IMMP2L: variants seen among roughly 807,000 people sequenced by gnomAD.
IMMP2L encodes the protein inner mitochondrial membrane peptidase subunit 2, also known as mitochondrial inner membrane protease subunit 2.
Under a neutral mutation model 19.3 loss-of-function variants are expected in IMMP2L, and 18 were observed. The observed-to-expected ratio is 0.93, with a 90% CI of 0.64 to 1.38. The LOEUF (loss-of-function observed/expected upper bound fraction) is 1.38. Among genes scored for constraint, IMMP2L ranks in the 40% most tolerant of loss-of-function variants. IMMP2L has a pLI of 0.00. For missense variants in IMMP2L, 233 were observed against 218.2 expected, an observed-to-expected ratio of 1.07 and a Z score of -0.43; for synonymous variants, 76 against 73.0, an observed-to-expected ratio of 1.04 and a Z score of -0.21.
intron 3 of IMMP2L, among the ~76,000 whole-genome samples, chr7:111,143,709 T>C (rs1036790805): frequency 2.0e-5 from 3 of 152,134 alleles, no homozygotes; most frequent in Non-Finnish European, 2.9e-5. Flanking sequence ...GCACAGAAAG[T>C]AAATATAAAC....
intron 5 of IMMP2L, among the ~76,000 whole-genome samples, chr7:110,666,124 CTCTATGT>C (rs1180887627): frequency 6.6e-6 from 1 of 152,082 alleles, no homozygotes; most frequent in Non-Finnish European, 1.5e-5. Flanking sequence ...CCAGTGGGAG[CTCTATGT>C]GTCCTTTGGA....
intron 3 of IMMP2L, among the ~76,000 whole-genome samples, chr7:111,179,826 G>GT (rs1466429693): frequency 6.6e-6 from 1 of 152,018 alleles, no homozygotes; most frequent in Non-Finnish European, 1.5e-5. Context: ...ATAAATTGCT[G>GT]TAACTTCTAT....
chr7:111,159,490 T>C (rs1805019239), intron 3 of IMMP2L, among the ~76,000 whole-genome samples: 5 of 152,124 alleles, frequency 3.3e-5, no homozygotes, highest in Admixed American at 3.3e-4. Flanking sequence ...AACAATAACC[T>C]TTTCTGTAAT....
At chr7:110,700,408 T>A (rs527642123) in intron 5 of IMMP2L, among the ~76,000 whole-genome samples, 35 of 148,512 alleles carry the variant, frequency 2.4e-4, no homozygotes, top group Non-Finnish European at 4.5e-4. Context: ...ATATACTGCC[T>A]TGTAGATTTT....
chr7:110,977,457 A>G (rs1281762083), intron 3 of IMMP2L, among the ~76,000 whole-genome samples: 1 of 152,020 alleles, frequency 6.6e-6, no homozygotes, highest in Non-Finnish European at 1.5e-5. Context: ...AATAAATTAT[A>G]ATGGAGAGTT....
intron 3 of IMMP2L, among the ~76,000 whole-genome samples, chr7:111,478,688 A>T (rs530880437): frequency 1.3e-5 from 2 of 152,240 alleles, no homozygotes; most frequent in East Asian, 3.9e-4. Flanking sequence ...GGCCTCCCAA[A>T]GTGCTAGGAT....
chr7:111,384,317 G>T (rs1831520699), intron 3 of IMMP2L, among the ~76,000 whole-genome samples: 1 of 151,516 alleles, frequency 6.6e-6, no homozygotes, highest in African/African-American at 2.4e-5. Context: ...GAGGGAAAAG[G>T]AGAAGGAGGA....
At chr7:111,496,669 T>A (rs564866795) in intron 2 of IMMP2L, among the ~76,000 whole-genome samples, 80 of 152,164 alleles carry the variant, frequency 5.3e-4, no homozygotes, top group Non-Finnish European at 8.2e-4. Flanking sequence ...GAACTCCAGG[T>A]CCTCTGACTT....
chr7:110,815,834 C>G lies in IMMP2L; in HGVS notation c.408+70759G>C, dbSNP rs1026313552. Among the ~76,000 whole-genome samples the G allele has an allele frequency of 1.8e-4, 27 of 151,526 alleles. No individual in the cohort carries two copies. The South Asian group carries it at 2.1e-3, about 12-fold the overall frequency. ...GATATCCCCTTTATCATTTTTTATT[C>G]CGTCTATTTGATTCTTCTCTCTTTT... On this transcript the variant is annotated intron_variant, in intron 5 of 5. Transcript: ENST00000405709.
chr7:111,181,221 G>A (rs1381095454), intron 3 of IMMP2L, among the ~76,000 whole-genome samples: 2 of 151,982 alleles, frequency 1.3e-5, no homozygotes, highest in East Asian at 1.9e-4. Flanking sequence ...TTCCTCTGCT[G>A]TGTGGTTGGC....
intron 1 of IMMP2L, among the ~76,000 whole-genome samples, chr7:111,535,325 G>A (rs1417794437): frequency 1.3e-5 from 2 of 151,784 alleles, no homozygotes; most frequent in Non-Finnish European, 2.9e-5. Flanking sequence ...AGGAAGGGAG[G>A]GAAGGAAAGA....
chr7:111,469,449 TCTC>T (rs1563231306), intron 3 of IMMP2L, among the ~76,000 whole-genome samples: 2 of 152,076 alleles, frequency 1.3e-5, no homozygotes, highest in Admixed American at 6.6e-5. Flanking sequence ...GGTTTGTAGT[TCTC>T]CTTGAACAGG....
chr7:111,217,092 C>A (rs946045605), intron 3 of IMMP2L, among the ~76,000 whole-genome samples: 38 of 135,372 alleles, frequency 2.8e-4, no homozygotes, highest in Admixed American at 1.8e-3. Context: ...TCTCTCTCTC[C>A]CTCCGTCTCT....
intron 3 of IMMP2L, among the ~76,000 whole-genome samples, chr7:111,324,057 G>T (rs528512771): frequency 2.4e-4 from 36 of 151,932 alleles, no homozygotes; most frequent in Admixed American, 1.7e-3. Context: ...TGAGTTAATG[G>T]GTGCAGAACA....
intron 4 of IMMP2L, among the ~76,000 whole-genome samples, chr7:110,907,542 A>C (rs1450990479): frequency 8.9e-6 from 1 of 112,182 alleles, no homozygotes; most frequent in Non-Finnish European, 1.7e-5. Context: ...AAAAGGCAAC[A>C]TTCAAGTGGG....
chr7:110,666,319 G>A (rs771933137), intron 5 of IMMP2L, among the ~76,000 whole-genome samples: 14 of 152,106 alleles, frequency 9.2e-5, no homozygotes, highest in Non-Finnish European at 1.8e-4. Context: ...CTGTCGCCCA[G>A]GCTGGAGTGC....
At chr7:110,755,223 T>C in intron 5 of IMMP2L, among the ~76,000 whole-genome samples, 1 of 152,086 alleles carries the variant, frequency 6.6e-6, no homozygotes, top group East Asian at 1.9e-4. Flanking sequence ...TTCATTTAGG[T>C]ATATTTAGTT....
intron 3 of IMMP2L, among the ~76,000 whole-genome samples, chr7:111,408,666 C>T (rs1294088016): frequency 6.6e-6 from 1 of 151,658 alleles, no homozygotes; most frequent in Admixed American, 6.6e-5. Context: ...GAATGAAATA[C>T]TTGGAGATAC....
At chr7:110,791,054 A>ACATAG (rs980206059) in intron 5 of IMMP2L, among the ~76,000 whole-genome samples, 3 of 151,526 alleles carry the variant, frequency 2.0e-5, no homozygotes, top group Non-Finnish European at 4.4e-5. Context: ...GCCCATGAAA[A>ACATAG]CATAGCTCTT....
Sources: gnomAD v4.1 joint callset for allele counts (sites outside exome capture counted in the v4.1 genomes callset) on GRCh38, gnomAD v4.1.1 for gene constraint, MANE v1.5 for transcripts, NCBI Gene and HGNC (gene_info 2026-07-23, HGNC 2026-07-21) for gene names.